STK3: variants seen among roughly 807,000 people sequenced by gnomAD.
STK3 encodes the protein serine/threonine kinase 3.
In STK3, 41 loss-of-function variants were observed where a neutral mutation model predicts 58.0. The observed-to-expected ratio is 0.71, with a 90% confidence interval of 0.55 to 0.92. STK3 has a LOEUF of 0.92. STK3 is among the 40% of genes least tolerant of loss of function. The probability of loss-of-function intolerance (pLI) is 0.00; values close to 1 mark genes in which losing one functional copy is unlikely to be tolerated. For synonymous variants in STK3, 170 were observed against 191.0 expected, an observed-to-expected ratio of 0.89 and a Z score of 0.91; for missense variants, 479 against 602.7, an observed-to-expected ratio of 0.79 and a Z score of 2.15.
intron 6 of STK3, among the ~76,000 whole-genome samples, chr8:98,650,091 A>C (rs950375074): frequency 6.6e-6 from 1 of 152,222 alleles, no homozygotes; most frequent in African/African-American, 2.4e-5. Context: ...ACTATTCACC[A>C]AATTATGTTA....
intron 8 of STK3, among the ~76,000 whole-genome samples, chr8:98,559,712 C>T (rs1286103102): frequency 6.6e-6 from 1 of 152,124 alleles, no homozygotes; most frequent in Non-Finnish European, 1.5e-5. Context: ...GTGATCTCAT[C>T]TTACACAGAA....
At chr8:98,536,141 C>G (rs141962158) in intron 9 of STK3, among the ~76,000 whole-genome samples, 1 of 152,258 alleles carries the variant, frequency 6.6e-6, no homozygotes, top group African/African-American at 2.4e-5. Flanking sequence ...TAACTGAAGT[C>G]ACATAAGCCA....
At chr8:98,580,393 C>T (rs1813774802) in intron 7 of STK3, among the ~76,000 whole-genome samples, 1 of 152,154 alleles carries the variant, frequency 6.6e-6, no homozygotes, top group Non-Finnish European at 1.5e-5. Flanking sequence ...TAGCTAAGCT[C>T]TCTATCATTC....
the STK3 span, among the ~76,000 whole-genome samples, chr8:98,359,535 A>G: frequency 7.3e-5 from 11 of 149,926 alleles, no homozygotes; most frequent in African/African-American, 2.7e-4. Context: ...AAAAAAAAAA[A>G]AGAAAGAAAG....
At chr8:98,789,546 A>G (rs776287146) in intron 1 of STK3, among the ~76,000 whole-genome samples, 1 of 152,212 alleles carries the variant, frequency 6.6e-6, no homozygotes, top group Non-Finnish European at 1.5e-5. Flanking sequence ...AATCCAAATA[A>G]GCTCAATTAG....
chr8:98,641,416 G>T (rs1002465349), intron 6 of STK3, among the ~76,000 whole-genome samples: 14 of 152,094 alleles, frequency 9.2e-5, no homozygotes, highest in African/African-American at 3.4e-4. Flanking sequence ...CCAATATAGT[G>T]CCAAAAGAAC....
intron 4 of STK3, among the ~76,000 whole-genome samples, chr8:98,713,900 A>C (rs951154513): frequency 3.9e-5 from 6 of 152,200 alleles, no homozygotes; most frequent in East Asian, 1.9e-4. Context: ...TGACAAACCG[A>C]ATCCAGCAGC....
At chr8:98,700,805 C>A (rs1648767059) in intron 6 of STK3, among the ~76,000 whole-genome samples, 1 of 152,132 alleles carries the variant, frequency 6.6e-6, no homozygotes, top group South Asian at 2.1e-4. Flanking sequence ...GTGATCCATA[C>A]AGTTCTTTCC....
chr8:98,849,667 G>A (rs1298397649), intron 3 of STK3, among the ~76,000 whole-genome samples: 2 of 152,120 alleles, frequency 1.3e-5, no homozygotes, highest in Admixed American at 1.3e-4. Context: ...ATTCTCAGGT[G>A]AGCTTGCTCT....
At chr8:98,477,331 C>A (rs1305754798) in intron 10 of STK3, among the ~76,000 whole-genome samples, 3 of 152,082 alleles carry the variant, frequency 2.0e-5, no homozygotes, top group African/African-American at 7.2e-5. Context: ...TCCTGTTGAT[C>A]TATCTATGTC....
chr8:98,515,535 T>C (rs999302035), intron 10 of STK3, among the ~76,000 whole-genome samples: 2 of 152,166 alleles, frequency 1.3e-5, no homozygotes, highest in African/African-American at 4.8e-5. Flanking sequence ...TTCAGTGCTA[T>C]GATTTATGCA....
intron 10 of STK3, among the ~76,000 whole-genome samples, chr8:98,514,543 CAA>C (rs773162253): frequency 7.3e-6 from 1 of 137,694 alleles, no homozygotes. Flanking sequence ...TACCTCCCCA[CAA>C]AAAAAAAAAA....
intron 1 of STK3, among the ~76,000 whole-genome samples, chr8:98,931,431 C>A (rs1392193187): frequency 6.6e-6 from 1 of 152,120 alleles, no homozygotes; most frequent in African/African-American, 2.4e-5. Context: ...TGTGGAATAA[C>A]CACTCCTACC....
rs192903446 is a variant in STK3 at position 98,614,798 on chromosome 8, G to T, written c.685-18629C>A. On this transcript the variant is annotated intron_variant, in intron 6 of 10. Coordinates refer to ENST00000419617, the MANE Select transcript of STK3 (RefSeq NM_006281.4). ...CGAGACTATATCCCACACCTGGCTT[G>T]GAGGGTCCTACACCCACAGAATCTC... is the stretch of plus-strand genomic sequence containing the variant. Among the ~76,000 whole-genome samples, 304 of 152,278 alleles carry T rather than the reference G, an allele frequency of 2.0e-3. 3 individuals carry two copies. The highest frequency in any genetic ancestry group is 8.4e-3 in the Admixed American group (128 of 15,298).
chr8:98,548,007 T>C lies in STK3; in HGVS notation c.1103A>G (p.Asn368Ser). ...ATCTTCTTCTTCCTCATCCTCACTG[T>C]TTATCACCATGGTCCCCAAGTCGGA... ...LESDLGTMVINSEDEEEEDGT... is the reference protein window; with the variant it reads ...LESDLGTMVISSEDEEEEDGT... Residue 368 changes from asparagine (N) to serine (S), a missense_variant, in exon 9 of 11, where the codon AAC becomes AGC. By Grantham distance (46) the Asn-to-Ser change is conservative (BLOSUM62 1). Around this residue, in one of 3 missense-constraint regions of STK3, gnomAD observed 309 missense variants for 355.7 expected, o/e 0.87. Coordinates refer to ENST00000419617, the MANE Select transcript of STK3 (RefSeq NM_006281.4). 1.2e-6 allele frequency: 2 copies of C among 1,608,306 alleles called. No homozygotes were observed. The highest frequency in any genetic ancestry group is 1.7e-6 in the Non-Finnish European group (2 of 1,177,564).
intron 1 of STK3, among the ~76,000 whole-genome samples, chr8:98,932,837 G>C (rs541751725): frequency 1.3e-5 from 2 of 152,166 alleles, no homozygotes; most frequent in South Asian, 4.1e-4. Context: ...CAATTACTCT[G>C]CTGGAATCAA....
chr8:98,940,163 G>A (rs1158688114), intron 1 of STK3, among the ~76,000 whole-genome samples: 2 of 151,990 alleles, frequency 1.3e-5, no homozygotes, highest in Non-Finnish European at 2.9e-5. Flanking sequence ...CCTGGAGACC[G>A]CGGAGCCCGA....
intron 7 of STK3, among the ~76,000 whole-genome samples, chr8:98,583,273 CAT>C (rs561935806): frequency 2.3e-3 from 346 of 152,250 alleles, no homozygotes; most frequent in African/African-American, 7.9e-3. Flanking sequence ...TGTATCATCA[CAT>C]GTGTTAGAAT....
At chr8:98,791,349 T>C (rs1312300892) in intron 1 of STK3, among the ~76,000 whole-genome samples, 2 of 152,240 alleles carry the variant, frequency 1.3e-5, no homozygotes, top group African/African-American at 4.8e-5. Context: ...ACACATCCCA[T>C]GCTCATTGAT....
Sources: allele counts gnomAD v4.1 joint callset (sites outside exome capture counted in the v4.1 genomes callset), GRCh38; gene constraint gnomAD v4.1.1; regional missense constraint gnomAD v4.1.1; transcripts MANE v1.5; gene names NCBI Gene and HGNC (gene_info 2026-07-23, HGNC 2026-07-21).